KLRG2: variants seen among roughly 807,000 people sequenced by gnomAD.
KLRG2 encodes the protein killer cell lectin-like receptor subfamily G member 2.
Under a neutral mutation model 35.4 loss-of-function variants are expected in KLRG2, and 39 were observed. The observed-to-expected ratio is 1.10, with a 90% CI of 0.85 to 1.44. The LOEUF (loss-of-function observed/expected upper bound fraction) is 1.44. Ranked by LOEUF, KLRG2 falls within the 40% of genes most tolerant of loss-of-function variation. The pLI is 0.00. For synonymous variants in KLRG2, 283 were observed against 265.8 expected, an observed-to-expected ratio of 1.06 and a Z score of -0.63; for missense variants, 632 against 570.9, an observed-to-expected ratio of 1.11 and a Z score of -1.09.
intron 3 of KLRG2, among the ~76,000 whole-genome samples, chr7:139,456,253 G>T (rs6972967): frequency 0.37 from 55,563 of 152,132 alleles, 13,175 homozygotes; most frequent in African/African-American, 0.68. Context: ...ATTTAAAGGT[G>T]GCTTTTTTAA....
In KLRG2 at chr7:139,453,582, C is replaced by A; in HGVS notation, c.*5G>T. The A allele has an allele frequency of 6.3e-7, 1 of 1,591,178 alleles. No individual in the cohort carries two copies. The highest frequency in any genetic ancestry group is 2.3e-5 in the East Asian group (1 of 43,702). On this transcript the variant is annotated 3_prime_UTR_variant, in exon 5 of 5. Transcript: ENST00000340940. ...TGGCAGGCTGAGGACCAGGCAGAGCCCAGATCACTGGGTCCCCTTGGCACA... is the reference window on the plus strand; with the variant it reads ...TGGCAGGCTGAGGACCAGGCAGAGCACAGATCACTGGGTCCCCTTGGCACA...
At chr7:139,480,091 A>G (rs1796927862) in intron 2 of KLRG2, 55 bp downstream of exon 2, 2 of 1,186,268 alleles carry the variant, frequency 1.7e-6, no homozygotes, top group East Asian at 4.7e-5. Context: ...CTGGAAACAC[A>G]GCCCCAGTAG....
At position 139,460,132 on chromosome 7, in the gene KLRG2, C is replaced by T. The variant is rs549609420; in HGVS notation, c.1006-5918G>A. 7.2e-5 allele frequency among the ~76,000 whole-genome samples: 11 copies of T among 152,270 alleles called. No homozygotes were observed. The East Asian group carries it at 1.2e-3, about 16-fold the overall frequency. On this transcript the variant is annotated intron_variant, in intron 3 of 4. Coordinates refer to ENST00000340940, the MANE Select transcript of KLRG2 (RefSeq NM_198508.4). ...AACTCCTGACCTCAGATGATCTGCCCGCCTTGGCCCCCCAAAGTGTTGGGA... is the reference window on the plus strand; with the variant it reads ...AACTCCTGACCTCAGATGATCTGCCTGCCTTGGCCCCCCAAAGTGTTGGGA...
chr7:139,477,672 T>C (rs1296931206), intron 3 of KLRG2, among the ~76,000 whole-genome samples: 4 of 152,070 alleles, frequency 2.6e-5, no homozygotes, highest in Non-Finnish European at 1.5e-5. Flanking sequence ...TGGTGATAGG[T>C]GCTCAACATT....
the KLRG2 span, among the ~76,000 whole-genome samples, chr7:139,444,397 G>T: frequency 1.3e-5 from 2 of 152,140 alleles, no homozygotes; most frequent in Non-Finnish European, 2.9e-5. Context: ...GGCCAGGCTG[G>T]TCTCGAACCC....
chr7:139,447,217 C>T, the KLRG2 span, among the ~76,000 whole-genome samples: 1 of 152,138 alleles, frequency 6.6e-6, no homozygotes, highest in African/African-American at 2.4e-5. Context: ...CGCTTAACAA[C>T]AGGGAAATGT....
the KLRG2 span, among the ~76,000 whole-genome samples, chr7:139,431,401 CTGAT>C: frequency 6.7e-6 from 1 of 150,102 alleles, no homozygotes; most frequent in Admixed American, 6.6e-5. Context: ...CTCAGTAAAT[CTGAT>C]TGAAAATATA....
chr7:139,483,311 C>T lies in KLRG2; in HGVS notation c.332G>A (p.Gly111Glu). ...VKLPRNGEAP[G>E]AEPAPSAWAP... Reference sequence around the variant, plus strand: ...CCAGGCGCTGGGCGCAGGCTCAGCCCCGGGCGCCTCGCCATTCCGGGGCAG... The same window carrying T: ...CCAGGCGCTGGGCGCAGGCTCAGCCTCGGGCGCCTCGCCATTCCGGGGCAG... Residue 111 changes from glycine (G) to glutamate (E), a missense_variant, in exon 1 of 5, where the codon GGG becomes GAG. By Grantham distance (98) the Gly-to-Glu change is moderately conservative. Coordinates refer to ENST00000340940, the MANE Select transcript of KLRG2 (RefSeq NM_198508.4). The T allele has an allele frequency of 6.4e-7, 1 of 1,552,092 alleles. No homozygotes were observed. Among genetic ancestry groups the T allele is most frequent in the South Asian group, 1.2e-5 (1 of 85,750 alleles).
chr7:139,473,808 G>A (rs1277603252), intron 3 of KLRG2, among the ~76,000 whole-genome samples: 2 of 151,904 alleles, frequency 1.3e-5, no homozygotes, highest in African/African-American at 4.8e-5. Context: ...ACAAGAACAG[G>A]ACACTGTAAA....
the KLRG2 span, among the ~76,000 whole-genome samples, chr7:139,442,621 G>A: frequency 5.3e-5 from 8 of 152,248 alleles, no homozygotes; most frequent in Admixed American, 4.6e-4. Flanking sequence ...CATGGTGGGC[G>A]GATCACTTGA....
At chr7:139,447,442 C>T in the KLRG2 span, among the ~76,000 whole-genome samples, 2 of 150,410 alleles carry the variant, frequency 1.3e-5, no homozygotes, top group Non-Finnish European at 1.5e-5. Context: ...GCTCTGTCAC[C>T]CAGGCTGGAT....
intron 3 of KLRG2, among the ~76,000 whole-genome samples, chr7:139,456,350 CTTTTTTATTTTTATT>C (rs1796476704): frequency 6.6e-6 from 1 of 152,112 alleles, no homozygotes; most frequent in Non-Finnish European, 1.5e-5. Context: ...AGAGCTGTCT[CTTTTTTATTTTTATT>C]TTTTTAATTT....
At chr7:139,430,025 T>C in the KLRG2 span, among the ~76,000 whole-genome samples, 2 of 152,160 alleles carry the variant, frequency 1.3e-5, no homozygotes, top group African/African-American at 4.8e-5. Flanking sequence ...CTCTAAACAC[T>C]CTGAATCAGA....
At chr7:139,469,944 G>A (rs1796728411) in intron 3 of KLRG2, among the ~76,000 whole-genome samples, 1 of 152,158 alleles carries the variant, frequency 6.6e-6, no homozygotes, top group Non-Finnish European at 1.5e-5. Context: ...GTGTGCCTAA[G>A]AGCATAAGGA....
chr7:139,476,740 G>A (rs1335211880), intron 3 of KLRG2, among the ~76,000 whole-genome samples: 2 of 152,134 alleles, frequency 1.3e-5, no homozygotes, highest in Non-Finnish European at 2.9e-5. Flanking sequence ...ACTGCACCCG[G>A]CCTCACTATC....
chr7:139,471,016 T>G (rs893933229), intron 3 of KLRG2, among the ~76,000 whole-genome samples: 14 of 142,118 alleles, frequency 9.9e-5, no homozygotes, highest in Admixed American at 2.1e-4. Flanking sequence ...ATAATTTTTG[T>G]TTTTTTTTTT....
At chr7:139,460,272 G>A (rs1796546284) in intron 3 of KLRG2, among the ~76,000 whole-genome samples, 1 of 152,226 alleles carries the variant, frequency 6.6e-6, no homozygotes, top group Non-Finnish European at 1.5e-5. Flanking sequence ...TGGCCCCGAC[G>A]TTGTTGGTGG....
chr7:139,466,976 C>G (rs992160944), intron 3 of KLRG2, among the ~76,000 whole-genome samples: 25 of 152,124 alleles, frequency 1.6e-4, no homozygotes, highest in African/African-American at 4.8e-4. Flanking sequence ...CTCTGTTTTT[C>G]TCCTTCTCTT....
At position 139,453,410 on chromosome 7, in the gene KLRG2, G is replaced by A. The variant is rs897734937; in HGVS notation, c.*177C>T. 12 of 610,010 alleles carry A rather than the reference G, an allele frequency of 2.0e-5. No individual in the cohort carries two copies. The highest frequency in any genetic ancestry group is 1.2e-4 in the East Asian group (4 of 34,116). The allele number at this position is 610,010 out of a possible 1,614,324, so 37.8% of individuals were successfully genotyped here. A position where few individuals can be genotyped will look rare whatever the true frequency, so the allele number is the denominator to read the frequency against. On this transcript the variant is annotated 3_prime_UTR_variant, in exon 5 of 5. Transcript: ENST00000340940. ...GGCCATAGAAAATCTCCTTTCCCTC[G>A]GATGCATCTTCCTGGGTTGAAGTCC...
Sources: allele counts gnomAD v4.1 joint callset (sites outside exome capture counted in the v4.1 genomes callset), GRCh38; gene constraint gnomAD v4.1.1; transcripts MANE v1.5; gene names NCBI Gene and HGNC (gene_info 2026-07-23, HGNC 2026-07-21).